The following GRIP1 variants were observed in gnomAD, a reference collection of about 807,000 sequenced individuals.
GRIP1 encodes the protein glutamate receptor-interacting protein 1.
A neutral mutation model predicts 129.9 loss-of-function variants in GRIP1; 45 were observed. That is an observed-to-expected ratio of 0.35 (90% confidence interval 0.27 to 0.44). The LOEUF (loss-of-function observed/expected upper bound fraction) is 0.44. GRIP1 is among the 20% of genes least tolerant of loss of function. The pLI is 1.00. For missense variants in GRIP1, 1,196 were observed against 1,396.8 expected (o/e 0.86, Z 2.29); for synonymous variants, 530 against 520.8 (o/e 1.02, Z -0.24).
At chr12:66,359,024 G>C (rs2054621621) in intron 23 of GRIP1, among the ~76,000 whole-genome samples, 1 of 152,150 alleles carries the variant, frequency 6.6e-6, no homozygotes, top group South Asian at 2.1e-4. Context: ...CACATGGCAA[G>C]CAACACACCT....
At chr12:66,578,927 G>A (rs1366119609) in intron 2 of GRIP1, among the ~76,000 whole-genome samples, 1 of 152,128 alleles carries the variant, frequency 6.6e-6, no homozygotes, top group Non-Finnish European at 1.5e-5. Context: ...GCACGCAGCT[G>A]GAGATCTGAG....
intron 1 of GRIP1, among the ~76,000 whole-genome samples, chr12:66,913,725 A>G (rs2041070818): frequency 6.6e-6 from 1 of 152,230 alleles, no homozygotes; most frequent in Non-Finnish European, 1.5e-5. Flanking sequence ...TCTTCAGTCT[A>G]AAGAGGAATG....
At chr12:66,833,631 G>A (rs1287351527) in intron 1 of GRIP1, among the ~76,000 whole-genome samples, 1 of 152,012 alleles carries the variant, frequency 6.6e-6, no homozygotes, top group Non-Finnish European at 1.5e-5. Flanking sequence ...ACCCAACACT[G>A]GACCCTTATC....
chr12:67,044,162 T>C (rs1338774061), intron 1 of GRIP1, among the ~76,000 whole-genome samples: 1 of 152,214 alleles, frequency 6.6e-6, no homozygotes, highest in South Asian at 2.1e-4. Flanking sequence ...CCAAGAACTA[T>C]TTCTACCAGC....
chr12:66,694,925 TC>T (rs1228709385), intron 1 of GRIP1, among the ~76,000 whole-genome samples: 1 of 152,202 alleles, frequency 6.6e-6, no homozygotes, highest in African/African-American at 2.4e-5. Context: ...AAGTGAGATC[TC>T]CTTTTGTGTC....
intron 1 of GRIP1, among the ~76,000 whole-genome samples, chr12:66,944,636 G>A (rs187777861): frequency 6.6e-6 from 1 of 152,000 alleles, no homozygotes; most frequent in Non-Finnish European, 1.5e-5. Flanking sequence ...GGGTAGGGGT[G>A]AAAACAGGAA....
chr12:66,695,273 GT>G (rs79419418), intron 1 of GRIP1, among the ~76,000 whole-genome samples: 51,607 of 145,866 alleles, frequency 0.35, 9,241 homozygotes, highest in African/African-American at 0.48. Flanking sequence ...AATCTAACCT[GT>G]TTTTTTTTTT....
chr12:66,687,794 C>T lies in GRIP1; in HGVS notation c.-419-57458G>A, dbSNP rs190839543. 9.9e-5 allele frequency among the ~76,000 whole-genome samples: 15 copies of T among 152,276 alleles called. No individual in the cohort carries two copies. In the East Asian group the frequency reaches 1.9e-3, roughly 20 times the overall value. ...TGTGCATGGAGCTGGCACTCCCCTA[C>T]GTCTACCCCTCCAGGTATGGGTATC... On this transcript the variant is annotated intron_variant, in intron 1 of 4. Transcript: ENST00000538373.
At chr12:67,014,714 G>A (rs1464098295) in intron 1 of GRIP1, among the ~76,000 whole-genome samples, 1 of 151,424 alleles carries the variant, frequency 6.6e-6, no homozygotes, top group African/African-American at 2.4e-5. Context: ...AGAATAATCT[G>A]GGAAAAAAAA....
chr12:66,909,265 T>C (rs1220760542), intron 1 of GRIP1, among the ~76,000 whole-genome samples: 1 of 152,162 alleles, frequency 6.6e-6, no homozygotes, highest in Non-Finnish European at 1.5e-5. Context: ...AAATGGCCTC[T>C]TTCACACCAA....
intron 7 of GRIP1, among the ~76,000 whole-genome samples, chr12:66,501,513 A>T (rs567079878): frequency 9.7e-4 from 147 of 152,296 alleles, no homozygotes; most frequent in African/African-American, 3.5e-3. Context: ...AAGTAATCTT[A>T]ATTAGTACTT....
At chr12:66,451,754 T>C (rs769480526) in intron 11 of GRIP1, among the ~76,000 whole-genome samples, 2 of 152,160 alleles carry the variant, frequency 1.3e-5, no homozygotes, top group Non-Finnish European at 2.9e-5. Flanking sequence ...CAACCTGCCA[T>C]AGACCTAACA....
intron 1 of GRIP1, among the ~76,000 whole-genome samples, chr12:66,690,445 AG>A (rs2034941108): frequency 6.6e-6 from 1 of 151,838 alleles, no homozygotes; most frequent in African/African-American, 2.4e-5. Context: ...ATGGACACTT[AG>A]GTTGTTTCCA....
At chr12:66,846,619 T>C (rs1197819926) in intron 1 of GRIP1, among the ~76,000 whole-genome samples, 5 of 152,210 alleles carry the variant, frequency 3.3e-5, no homozygotes, top group African/African-American at 1.2e-4. Context: ...CTTACCTTGA[T>C]TGTAGTGATA....
At chr12:66,781,142 C>T (rs553265494) in intron 1 of GRIP1, among the ~76,000 whole-genome samples, 3 of 152,300 alleles carry the variant, frequency 2.0e-5, no homozygotes, top group African/African-American at 7.2e-5. Flanking sequence ...TTATAAGGTA[C>T]ACTTACTTTA....
intron 1 of GRIP1, among the ~76,000 whole-genome samples, chr12:66,927,876 G>A (rs954701552): frequency 1.3e-5 from 2 of 152,184 alleles, no homozygotes; most frequent in Non-Finnish European, 2.9e-5. Flanking sequence ...GTTCAGGAGT[G>A]AGTACATGAC....
At chr12:66,724,178 T>C (rs1178264933) in intron 1 of GRIP1, among the ~76,000 whole-genome samples, 1 of 152,226 alleles carries the variant, frequency 6.6e-6, no homozygotes, top group African/African-American at 2.4e-5. Context: ...TGTTCTGGTA[T>C]CCCAGAGTGA....
At chr12:66,990,084 T>C (rs182109792) in intron 1 of GRIP1, among the ~76,000 whole-genome samples, 38 of 152,302 alleles carry the variant, frequency 2.5e-4, no homozygotes, top group African/African-American at 8.7e-4. Flanking sequence ...AAAGGGATGG[T>C]ACATAAGAAG....
intron 4 of GRIP1, among the ~76,000 whole-genome samples, chr12:66,535,607 C>T (rs561467839): frequency 6.6e-6 from 1 of 152,288 alleles, no homozygotes; most frequent in South Asian, 2.1e-4. Context: ...CATGTAACTG[C>T]TGACACAGTC....
Sources: gnomAD v4.1 joint callset for allele counts (sites outside exome capture counted in the v4.1 genomes callset) on GRCh38, gnomAD v4.1.1 for gene constraint, MANE v1.5 for transcripts, NCBI Gene and HGNC (gene_info 2026-07-23, HGNC 2026-07-21) for gene names.